Variants in FABP7 observed in about 807,000 individuals in gnomAD.
FABP7 encodes the protein fatty acid binding protein 7.
Under a neutral mutation model 14.2 loss-of-function variants are expected in FABP7, and 13 were observed. The observed-to-expected ratio is 0.91, with a 90% CI of 0.59 to 1.45. FABP7 has a LOEUF of 1.45. Among genes scored for constraint, FABP7 ranks in the 40% most tolerant of loss-of-function variants. The probability of loss-of-function intolerance (pLI) is 0.00; values close to 1 mark genes in which losing one functional copy is unlikely to be tolerated. For missense variants in FABP7, 149 were observed against 157.6 expected, an observed-to-expected ratio of 0.95 and a Z score of 0.29; for synonymous variants, 49 against 51.4, an observed-to-expected ratio of 0.95 and a Z score of 0.20.
the FABP7 span, among the ~76,000 whole-genome samples, chr6:122,761,629 T>C: frequency 6.6e-6 from 1 of 152,154 alleles, no homozygotes; most frequent in African/African-American, 2.4e-5. Flanking sequence ...TTGCTTCATT[T>C]TGGTTTTGTT....
In FABP7 at chr6:122,780,404, A is replaced by C; in HGVS notation, c.187A>C (p.Ile63Leu). Residue 63 changes from isoleucine to leucine, a missense_variant, in exon 2 of 4, where the codon ATT becomes CTT. Physicochemically the swap from Ile to Leu is conservative, Grantham distance 5. Transcript: ENST00000368444. ...RTLSTFKNTE[I>L]SFQLGEEFDE... ...TCTCAGCACATTCAAGAACACGGAG[A>C]TTAGTTTCCAGCTGGGAGAAGAGTT... The C allele has an allele frequency of 1.2e-6, 2 of 1,614,092 alleles. No individual in the cohort carries two copies. Among genetic ancestry groups the C allele is most frequent in the South Asian group, 2.2e-5 (2 of 91,040 alleles).
chr6:122,781,415 G>A (rs1780781208), intron 3 of FABP7: 1 of 1,415,300 alleles, frequency 7.1e-7, no homozygotes, highest in Admixed American at 2.9e-5. Flanking sequence ...TGTAGAAAAA[G>A]AGAAAAATTC....
At chr6:122,783,628 A>G in intron 3 of FABP7, 89 bp from the exon 4 acceptor site, 1 of 1,491,466 alleles carries the variant, frequency 6.7e-7, no homozygotes, top group Non-Finnish European at 8.9e-7. Context: ...TCTTTTGCAT[A>G]ATACTTAGAT....
the FABP7 span, among the ~76,000 whole-genome samples, chr6:122,751,174 G>C: frequency 6.6e-6 from 1 of 152,130 alleles, no homozygotes; most frequent in Non-Finnish European, 1.5e-5. Flanking sequence ...AATTAATTCA[G>C]AATTTTTATT....
chr6:122,751,924 T>C, the FABP7 span, among the ~76,000 whole-genome samples: 1 of 152,122 alleles, frequency 6.6e-6, no homozygotes, highest in South Asian at 2.1e-4. Context: ...CTTTATTTCC[T>C]ACAGATCTTA....
chr6:122,777,218 G>A (rs151317829), upstream of FABP7, among the ~76,000 whole-genome samples: 177 of 152,106 alleles, frequency 1.2e-3, no homozygotes, highest in African/African-American at 4.0e-3. Context: ...CACTTTAAAC[G>A]TGTTTTATTA....
At chr6:122,778,423 G>A (rs1022039660), upstream of FABP7, among the ~76,000 whole-genome samples, 8 of 152,250 alleles carry the variant, frequency 5.3e-5, no homozygotes, top group East Asian at 1.5e-3. Flanking sequence ...TCATGTAGCC[G>A]CCACCTAGCG....
At chr6:122,755,640 G>C in the FABP7 span, among the ~76,000 whole-genome samples, 9 of 151,254 alleles carry the variant, frequency 6.0e-5, no homozygotes, top group Non-Finnish European at 1.2e-4. Context: ...TTAATTTTTA[G>C]TAGATATGGA....
chr6:122,781,371 A>C, intron 3 of FABP7, 177 bp downstream of exon 3: 6 of 1,458,916 alleles, frequency 4.1e-6, no homozygotes, highest in Non-Finnish European at 5.5e-6. Context: ...AAAAGATCCC[A>C]GTTAATTTTC....
At chr6:122,762,520 C>A in the FABP7 span, among the ~76,000 whole-genome samples, 1 of 152,076 alleles carries the variant, frequency 6.6e-6, no homozygotes, top group Non-Finnish European at 1.5e-5. Flanking sequence ...TATTCAACAT[C>A]GTGTTGGAAG....
the FABP7 span, among the ~76,000 whole-genome samples, chr6:122,763,283 T>C: frequency 1.3e-5 from 2 of 152,260 alleles, no homozygotes; most frequent in South Asian, 4.1e-4. Context: ...AAACAAGAAA[T>C]GGGGAAAGGA....
intron 3 of FABP7, chr6:122,782,909 A>T: frequency 1.0e-6 from 1 of 985,406 alleles, no homozygotes; most frequent in Non-Finnish European, 1.2e-6. Flanking sequence ...TTCGCTCTGA[A>T]GTTCTCCTTT....
the FABP7 span, among the ~76,000 whole-genome samples, chr6:122,772,400 C>T: frequency 1.3e-5 from 2 of 152,064 alleles, no homozygotes; most frequent in African/African-American, 2.4e-5. Context: ...CTCCAAAATG[C>T]TTCTTTTCAA....
the FABP7 span, among the ~76,000 whole-genome samples, chr6:122,765,923 G>A: frequency 6.6e-6 from 1 of 151,618 alleles, no homozygotes; most frequent in Non-Finnish European, 1.5e-5. Context: ...CTACTTTATT[G>A]TTTTTATAGC....
the FABP7 span, among the ~76,000 whole-genome samples, chr6:122,755,962 G>C: frequency 5.3e-5 from 8 of 152,162 alleles, no homozygotes; most frequent in African/African-American, 1.7e-4. Flanking sequence ...CAACAAGCCA[G>C]TGCTGCGGGC....
chr6:122,755,640 G>A, the FABP7 span, among the ~76,000 whole-genome samples: 1 of 151,256 alleles, frequency 6.6e-6, no homozygotes, highest in Non-Finnish European at 1.5e-5. Flanking sequence ...TTAATTTTTA[G>A]TAGATATGGA....
chr6:122,778,669 T>C (rs1415921816), upstream of FABP7, among the ~76,000 whole-genome samples: 2 of 152,134 alleles, frequency 1.3e-5, no homozygotes, highest in Admixed American at 1.3e-4. Flanking sequence ...AATACTCTAC[T>C]TAGAACCCTC....
chr6:122,774,695 C>CTGCAAAGG, the FABP7 span, among the ~76,000 whole-genome samples: 1 of 151,100 alleles, frequency 6.6e-6, no homozygotes, highest in Admixed American at 6.6e-5. Flanking sequence ...GGCATCCACA[C>CTGCAAAGG]TGCAAAGGAA....
the FABP7 span, among the ~76,000 whole-genome samples, chr6:122,762,699 G>T: frequency 6.8e-6 from 1 of 147,594 alleles, no homozygotes; most frequent in East Asian, 1.9e-4. Context: ...AAAGTCTCAG[G>T]ATACAAAATC....
Sources: gnomAD v4.1 joint callset for allele counts (sites outside exome capture counted in the v4.1 genomes callset) on GRCh38, gnomAD v4.1.1 for gene constraint, MANE v1.5 for transcripts, NCBI Gene and HGNC (gene_info 2026-07-23, HGNC 2026-07-21) for gene names.